PIK3R5: variants seen among roughly 807,000 people sequenced by gnomAD.
The protein encoded by PIK3R5 is phosphoinositide-3-kinase regulatory subunit 5.
A neutral mutation model predicts 94.9 loss-of-function variants in PIK3R5; 32 were observed. The observed-to-expected ratio is 0.34, with a 90% CI of 0.25 to 0.45. The LOEUF (loss-of-function observed/expected upper bound fraction) is 0.45, where lower values mean the gene tolerates loss of function less well. PIK3R5 is among the 20% of genes least tolerant of loss of function. PIK3R5 has a pLI of 1.00. For missense variants in PIK3R5, 853 were observed against 1,144.6 expected (o/e 0.75, Z 3.68); for synonymous variants, 443 against 479.4 (o/e 0.92, Z 0.99).
Position 8,888,678 on chromosome 17 carries a change from G to A in PIK3R5, c.1109C>T (p.Ala370Val). The A allele has an allele frequency of 6.2e-7, 1 of 1,613,936 alleles. No homozygotes were observed. The highest frequency in any genetic ancestry group is 8.5e-7 in the Non-Finnish European group (1 of 1,180,016). The change falls in exon 10 of 19, where the codon GCC becomes GTC. Residue 370 changes from alanine to valine, a missense_variant. By Grantham distance (64) the Ala-to-Val change is moderately conservative. Coordinates refer to ENST00000447110, the MANE Select transcript of PIK3R5 (RefSeq NM_001142633.3). This position sits in a 1 kb window ranked among gnomAD's most constrained non-coding sequence, Gnocchi z 7.8. ...SLASSQASGPALSRHLLTSFV... is the reference protein window; with the variant it reads ...SLASSQASGPVLSRHLLTSFV... ...GGAAGTCAGCAGATGGCGCGAGAGG[G>A]CCGGCCCCGAGGCCTGGGAGGATGC... is the stretch of plus-strand genomic sequence containing the variant.
chr17:8,962,816 C>G (rs2091590338), intron 1 of PIK3R5, among the ~76,000 whole-genome samples: 1 of 152,146 alleles, frequency 6.6e-6, no homozygotes, highest in Non-Finnish European at 1.5e-5. Context: ...TATATGTTTG[C>G]TACGGGAGGG....
chr17:8,902,846 A>ATTTTTTTTTTTTT (rs35776068), intron 5 of PIK3R5, among the ~76,000 whole-genome samples: 1 of 140,162 alleles, frequency 7.1e-6, no homozygotes, highest in African/African-American at 2.7e-5. Context: ...TTTAGATAGA[A>ATTTTTTTTTTTTT]TTTTTTTTTT....
At chr17:8,885,303 T>C (rs1324408263) in intron 14 of PIK3R5, among the ~76,000 whole-genome samples, 332 of 67,412 alleles carry the variant, frequency 4.9e-3, no homozygotes, top group Middle Eastern at 0.013. Flanking sequence ...CCCCATGGCC[T>C]TGCCTCCTGG....
intron 5 of PIK3R5, among the ~76,000 whole-genome samples, chr17:8,898,821 A>G (rs418378): frequency 0.57 from 86,571 of 150,594 alleles, 25,055 homozygotes; most frequent in Non-Finnish European, 0.61. Flanking sequence ...TCTGTCATAC[A>G]AGGGTTCGTG....
intron 15 of PIK3R5, among the ~76,000 whole-genome samples, chr17:8,883,426 C>G (rs971481115): frequency 3.9e-5 from 6 of 152,200 alleles, no homozygotes; most frequent in African/African-American, 1.2e-4. Context: ...TCTTGGTATG[C>G]TGGTCCCCCA....
At chr17:8,949,557 T>G (rs2091337656) in intron 1 of PIK3R5, among the ~76,000 whole-genome samples, 2 of 139,150 alleles carry the variant, frequency 1.4e-5, no homozygotes, top group African/African-American at 5.0e-5. Flanking sequence ...TAGAAAATGT[T>G]GTCGTCATCG....
At position 8,890,972 on chromosome 17, in the gene PIK3R5, C is replaced by A; in HGVS notation, c.483-60G>T. 6.5e-7 allele frequency: 1 copy of A among 1,531,066 alleles called. No homozygotes were observed. The highest frequency in any genetic ancestry group is 1.2e-5 in the South Asian group (1 of 83,696). 94.8% of individuals were successfully genotyped at this position (1,531,066 alleles called of 1,614,324 possible). On this transcript the variant is annotated intron_variant, in intron 6 of 18. Transcript: ENST00000447110. The surrounding 1 kb of genome is among the most constrained non-coding windows in gnomAD (Gnocchi z 6.1). ...GGTGCGCAGCATGCCACAGTGCAGC[C>A]ACCCCCCTCGTGCCTGCTGGTGCTC... is the stretch of plus-strand genomic sequence containing the variant.
intron 1 of PIK3R5, among the ~76,000 whole-genome samples, chr17:8,918,222 C>T (rs1332198658): frequency 6.6e-6 from 1 of 152,198 alleles, no homozygotes; most frequent in Non-Finnish European, 1.5e-5. Context: ...TTCTAAATAC[C>T]ATTTTCCAAT....
Position 8,893,348 on chromosome 17 carries a change from A to G in PIK3R5, c.482+238T>C, listed in dbSNP as rs61759647. Among the ~76,000 whole-genome samples the G allele has an allele frequency of 0.028, 4,195 of 152,208 alleles. 201 individuals carry two copies. The highest frequency in any genetic ancestry group is 0.096 in the African/African-American group (3,975 of 41,498). ...GTGCCTAACACCTGGCATAATTGAT[A>G]CAGACCTCTTTAAGAATCTGGTGAA... is the stretch of plus-strand genomic sequence containing the variant. On this transcript the variant is annotated intron_variant, in intron 6 of 18. Transcript: ENST00000447110. This position sits in a 1 kb window ranked among gnomAD's most constrained non-coding sequence, Gnocchi z 5.1.
At chr17:8,916,496 C>T (rs181542) in intron 1 of PIK3R5, 60,249 of 142,456 alleles carry the variant, frequency 0.42, 10,392 homozygotes, top group East Asian at 0.7. Context: ...CCCCCGCCCC[C>T]GCCACCAATT....
rs1804719996 is a variant in PIK3R5, at chr17:8,925,451, ATAGATAG to A, written c.-13-13951_-13-13945del. 7.6e-6 allele frequency among the ~76,000 whole-genome samples: 1 copy of A among 131,072 alleles called. No individual in the cohort carries two copies. The highest frequency in any genetic ancestry group is 2.1e-4 in the East Asian group (1 of 4,852). The allele number at this position is 131,072 out of a possible 152,430, so 86.0% of individuals were successfully genotyped here. Reference sequence around the variant, plus strand: ...AGATGGAGAGATAGATAGTAGATGGATAGATAGTAGATGGATGATAGATAGATAGTAG... The same window carrying A: ...AGATGGAGAGATAGATAGTAGATGGATAGATGGATGATAGATAGATAGTAG... On this transcript the variant is annotated intron_variant, in intron 1 of 18. Transcript: ENST00000447110. The surrounding 1 kb of genome is among the most constrained non-coding windows in gnomAD (Gnocchi z 5.1).
intron 1 of PIK3R5, among the ~76,000 whole-genome samples, chr17:8,913,385 G>A (rs2151419122): frequency 6.6e-6 from 1 of 152,348 alleles, no homozygotes; most frequent in East Asian, 1.9e-4. Context: ...CCTTCTGGCT[G>A]TGGAGGTGAA....
Position 8,925,192 on chromosome 17 carries a change from G to A in PIK3R5, c.-13-13685C>T, listed in dbSNP as rs948333009. ...GGATAGATGGGTAGATAGATAGACA[G>A]AAAGTAGATGGATAGATAGATAGAT... On this transcript the variant is annotated intron_variant, in intron 1 of 18. Coordinates refer to ENST00000447110, the MANE Select transcript of PIK3R5 (RefSeq NM_001142633.3). This position sits in a 1 kb window ranked among gnomAD's most constrained non-coding sequence, Gnocchi z 5.1. 5.3e-5 allele frequency among the ~76,000 whole-genome samples: 8 copies of A among 151,918 alleles called. No homozygotes were observed. Among genetic ancestry groups the A allele is most frequent in the Admixed American group, 2.0e-4 (3 of 15,256 alleles).
In PIK3R5 at chr17:8,909,805, G is replaced by A. The variant is rs2090484223; in HGVS notation, c.104-631C>T. 6.6e-6 allele frequency among the ~76,000 whole-genome samples: 1 copy of A among 152,198 alleles called. No homozygotes were observed. On this transcript the variant is annotated intron_variant, in intron 2 of 18. Transcript: ENST00000447110. This position sits in a 1 kb window ranked among gnomAD's most constrained non-coding sequence, Gnocchi z 4.3. Reference sequence around the variant, plus strand: ...CACCAGTTCTCCCACAACCTCTCCTGCCCTGGTTTCCTACAGTGGGTTCTG... The same window carrying A: ...CACCAGTTCTCCCACAACCTCTCCTACCCTGGTTTCCTACAGTGGGTTCTG...
chr17:8,889,055 G>A lies in PIK3R5; in HGVS notation c.895+84C>T. 1 of 1,518,772 alleles carries A rather than the reference G, an allele frequency of 6.6e-7. No homozygotes were observed. Among genetic ancestry groups the A allele is most frequent in the Admixed American group, 1.9e-5 (1 of 53,474 alleles). The allele number at this position is 1,518,772 out of a possible 1,614,324, so 94.1% of individuals were successfully genotyped here. A position where few individuals can be genotyped will look rare whatever the true frequency, so the allele number is the denominator to read the frequency against. On this transcript the variant is annotated intron_variant, in intron 9 of 18. Coordinates refer to ENST00000447110, the MANE Select transcript of PIK3R5 (RefSeq NM_001142633.3). The surrounding 1 kb of genome is among the most constrained non-coding windows in gnomAD (Gnocchi z 4.1). ...CTCATGTGGGAGAGCTTTGGGGACGGGGTGGGAGCTGCATGGACCCAGGAC... is the reference window on the plus strand; with the variant it reads ...CTCATGTGGGAGAGCTTTGGGGACGAGGTGGGAGCTGCATGGACCCAGGAC...
chr17:8,920,598 A>G (rs1251863502), intron 1 of PIK3R5, among the ~76,000 whole-genome samples: 1 of 152,218 alleles, frequency 6.6e-6, no homozygotes, highest in Non-Finnish European at 1.5e-5. Context: ...TCCCTTTTCA[A>G]ATTTCTTCCA....
intron 1 of PIK3R5, among the ~76,000 whole-genome samples, chr17:8,965,001 C>CCA (rs10680170): frequency 0.12 from 18,432 of 150,632 alleles, 1,216 homozygotes; most frequent in African/African-American, 0.19. Context: ...ATGCGCATGC[C>CCA]CACACACACA....
intron 1 of PIK3R5, among the ~76,000 whole-genome samples, chr17:8,956,417 T>C (rs2091467569): frequency 6.6e-6 from 1 of 152,104 alleles, no homozygotes; most frequent in Non-Finnish European, 1.5e-5. Context: ...CCCTCTCTGC[T>C]CAGCCCATCA....
intron 1 of PIK3R5, among the ~76,000 whole-genome samples, chr17:8,914,790 T>C (rs940178313): frequency 3.3e-5 from 5 of 152,264 alleles, no homozygotes; most frequent in South Asian, 2.1e-4. Context: ...CAGCTCCAGA[T>C]TGGGGTGAGG....
Sources: gnomAD v4.1 joint callset for allele counts (sites outside exome capture counted in the v4.1 genomes callset) on GRCh38, gnomAD v4.1.1 for gene constraint, Gnocchi (gnomAD v3.1) non-coding constraint, MANE v1.5 for transcripts, NCBI Gene and HGNC (gene_info 2026-07-23, HGNC 2026-07-21) for gene names.